The following ROBO1 variants were observed in gnomAD, a reference collection of about 807,000 sequenced individuals.
The protein encoded by ROBO1 is roundabout guidance receptor 1.
A neutral mutation model predicts 195.9 loss-of-function variants in ROBO1; 149 were observed. The ratio of observed to expected loss-of-function variants is 0.76; its 90% CI spans 0.67 to 0.87. ROBO1 has a LOEUF of 0.87. Among genes scored for constraint, ROBO1 ranks in the 40% least tolerant of loss-of-function variants. ROBO1 has a pLI of 0.00. For missense variants in ROBO1, 1,933 were observed against 2,068.3 expected (o/e 0.93, Z 1.27); for synonymous variants, 816 against 733.2 (o/e 1.11, Z -1.82).
chr3:78,871,828 C>A (rs2035569453), intron 4 of ROBO1, among the ~76,000 whole-genome samples: 1 of 150,520 alleles, frequency 6.6e-6, no homozygotes, highest in South Asian at 2.1e-4. Flanking sequence ...TTTGGTCTGA[C>A]ACAGACCTAT....
chr3:79,423,849 T>A (rs1042924010), intron 2 of ROBO1, among the ~76,000 whole-genome samples: 1 of 151,760 alleles, frequency 6.6e-6, no homozygotes, highest in African/African-American at 2.4e-5. Flanking sequence ...TGAAAAGGAG[T>A]GAGATAGGGA....
chr3:79,331,560 G>A (rs755675191), intron 2 of ROBO1, among the ~76,000 whole-genome samples: 4 of 151,954 alleles, frequency 2.6e-5, no homozygotes, highest in Non-Finnish European at 4.4e-5. Context: ...GTTTATTATC[G>A]GTGGTAACAA....
intron 3 of ROBO1, among the ~76,000 whole-genome samples, chr3:78,950,221 C>T (rs2040696690): frequency 6.6e-6 from 1 of 151,882 alleles, no homozygotes; most frequent in African/African-American, 2.4e-5. Flanking sequence ...CGTATGTTTA[C>T]AGCAGCACTA....
intron 2 of ROBO1, among the ~76,000 whole-genome samples, chr3:79,300,505 C>G (rs369796801): frequency 6.9e-4 from 105 of 152,330 alleles, no homozygotes; most frequent in Middle Eastern, 3.4e-3. Context: ...CCTCCCACCC[C>G]CTCCGTGGGC....
intron 9 of ROBO1, among the ~76,000 whole-genome samples, chr3:78,687,427 G>C (rs1429319870): frequency 1.3e-5 from 2 of 152,130 alleles, no homozygotes; most frequent in African/African-American, 2.4e-5. Context: ...GAAAGAAAAG[G>C]TGAACTTGTT....
intron 2 of ROBO1, among the ~76,000 whole-genome samples, chr3:79,536,503 A>G (rs568289678): frequency 1.3e-5 from 2 of 152,254 alleles, no homozygotes; most frequent in African/African-American, 2.4e-5. Context: ...TAAAATTTCT[A>G]TTGGGATTTC....
chr3:78,605,139 T>A (rs914738450), intron 29 of ROBO1, among the ~76,000 whole-genome samples: 1 of 152,224 alleles, frequency 6.6e-6, no homozygotes, highest in East Asian at 1.9e-4. Context: ...CCTTTTTTCC[T>A]CGCTTGGTTT....
intron 4 of ROBO1, among the ~76,000 whole-genome samples, chr3:78,801,980 G>T (rs574959980): frequency 5.5e-4 from 84 of 152,228 alleles, no homozygotes; most frequent in African/African-American, 1.8e-3. Flanking sequence ...ACATTTAAAA[G>T]AGATTTTTCC....
chr3:78,749,396 C>T (rs1192318406), intron 4 of ROBO1, among the ~76,000 whole-genome samples: 1 of 151,910 alleles, frequency 6.6e-6, no homozygotes, highest in African/African-American at 2.4e-5. Flanking sequence ...TGTTATTTGG[C>T]CTTTTATAAT....
intron 2 of ROBO1, among the ~76,000 whole-genome samples, chr3:79,422,661 T>C (rs2106946774): frequency 6.6e-6 from 1 of 152,236 alleles, no homozygotes; most frequent in African/African-American, 2.4e-5. Flanking sequence ...AATGAGGGCT[T>C]TGTTTAATTC....
At chr3:78,864,428 T>C (rs531764043) in intron 4 of ROBO1, among the ~76,000 whole-genome samples, 4 of 152,270 alleles carry the variant, frequency 2.6e-5, no homozygotes, top group Non-Finnish European at 5.9e-5. Flanking sequence ...TTTAATAACA[T>C]TTAATTTATA....
chr3:78,946,685 A>G (rs911060107), intron 3 of ROBO1, among the ~76,000 whole-genome samples: 46 of 152,218 alleles, frequency 3.0e-4, no homozygotes, highest in Non-Finnish European at 4.7e-4. Context: ...TTAACTTTAA[A>G]TGTAAATGGG....
At chr3:78,997,777 C>T (rs894949159) in intron 3 of ROBO1, among the ~76,000 whole-genome samples, 6 of 152,032 alleles carry the variant, frequency 3.9e-5, no homozygotes, top group Non-Finnish European at 7.4e-5. Context: ...ATGCTTGACC[C>T]GTCTTATGTG....
chr3:78,644,814 C>A (rs1706177244), intron 21 of ROBO1, among the ~76,000 whole-genome samples: 1 of 152,170 alleles, frequency 6.6e-6, no homozygotes, highest in Admixed American at 6.6e-5. Context: ...TGTGTACACA[C>A]ACCCACGCAC....
chr3:78,927,415 T>G (rs1391570044), intron 4 of ROBO1, among the ~76,000 whole-genome samples: 1 of 152,174 alleles, frequency 6.6e-6, no homozygotes, highest in Non-Finnish European at 1.5e-5. Context: ...CCCAAAACAT[T>G]TTCTGGGAAA....
chr3:79,118,797 G>A (rs1342151449), intron 3 of ROBO1, among the ~76,000 whole-genome samples: 9 of 151,222 alleles, frequency 6.0e-5, no homozygotes, highest in Non-Finnish European at 1.2e-4. Flanking sequence ...CCCGGGAGGT[G>A]GAGGTTGCAT....
intron 1 of ROBO1, among the ~76,000 whole-genome samples, chr3:79,744,194 T>C (rs1246227292): frequency 2.0e-5 from 3 of 152,288 alleles, no homozygotes; most frequent in African/African-American, 7.2e-5. Context: ...CATTAAGCGA[T>C]AGTTATTTTT....
Position 79,520,931 on chromosome 3 carries a change from A to G in ROBO1, c.88+68893T>C, listed in dbSNP as rs1330686881. On this transcript the variant is annotated intron_variant, in intron 2 of 30. Transcript: ENST00000464233. ...AGAAATTTAAAGTATAGGACAAAAC[A>G]CTTGAATCAATGTAGAGACAGACAA... 4.6e-5 allele frequency among the ~76,000 whole-genome samples: 7 copies of G among 152,318 alleles called. No individual in the cohort carries two copies. In the East Asian group the frequency reaches 1.2e-3, roughly 25 times the overall value.
chr3:79,236,563 A>G (rs908488628), intron 2 of ROBO1, among the ~76,000 whole-genome samples: 4 of 152,166 alleles, frequency 2.6e-5, no homozygotes, highest in African/African-American at 9.7e-5. Context: ...TTAAATGAGT[A>G]TGTCATTTCA....
Sources: allele counts gnomAD v4.1 joint callset (sites outside exome capture counted in the v4.1 genomes callset), GRCh38; gene constraint gnomAD v4.1.1; transcripts MANE v1.5; gene names NCBI Gene and HGNC (gene_info 2026-07-23, HGNC 2026-07-21).